The following BRCA1 variants were observed in gnomAD, a reference collection of about 807,000 sequenced individuals.
BRCA1 encodes the protein breast cancer type 1 susceptibility protein.
A neutral mutation model predicts 173.7 loss-of-function variants in BRCA1; 140 were observed. The observed-to-expected ratio is 0.81, with a 90% CI of 0.70 to 0.93. The LOEUF (loss-of-function observed/expected upper bound fraction) is 0.93. BRCA1 is among the 40% of genes least tolerant of loss of function. BRCA1 has a pLI of 0.00. For missense variants in BRCA1, 1,983 were observed against 2,172.5 expected (o/e 0.91, Z 1.73); for synonymous variants, 662 against 756.0 (o/e 0.88, Z 2.04).
intron 3 of BRCA1, among the ~76,000 whole-genome samples, chr17:43,107,322 C>T (rs1217052435): frequency 2.0e-5 from 3 of 151,806 alleles, no homozygotes; most frequent in African/African-American, 7.3e-5. Flanking sequence ...CTCTGCCTCC[C>T]AAAGTGCTGG....
intron 1 of BRCA1, chr17:43,145,006 C>G (rs2056109414): frequency 8.8e-6 from 6 of 680,442 alleles, no homozygotes; most frequent in South Asian, 2.8e-5. Context: ...TGGAAGAGCC[C>G]AAGAGGAGAT....
intron 22 of BRCA1, among the ~76,000 whole-genome samples, chr17:43,046,900 C>A (rs1402554699): frequency 6.6e-6 from 1 of 152,048 alleles, no homozygotes; most frequent in Non-Finnish European, 1.5e-5. Flanking sequence ...GGAAAGCCAC[C>A]AGGAAAACAG....
At chr17:43,140,885 C>T (rs960229053) in intron 1 of BRCA1, among the ~76,000 whole-genome samples, 4 of 152,228 alleles carry the variant, frequency 2.6e-5, no homozygotes, top group African/African-American at 9.6e-5. Flanking sequence ...CTGTCTGCAT[C>T]ATGTTTGCCC....
At chr17:43,153,483 T>C (rs1400808802) in intron 1 of BRCA1, 1 of 152,170 alleles carries the variant, frequency 6.6e-6, no homozygotes, top group African/African-American at 2.4e-5. Flanking sequence ...AATGATGTAA[T>C]ATATGTCTCA....
rs786203310 is a variant in BRCA1, at chr17:43,091,887, T to C, written c.3644A>G (p.Asn1215Ser). The change falls in exon 10 of 23, where the codon AAC (asparagine) becomes AGC (serine). Residue 1215 changes from asparagine (N) to serine (S), a missense_variant. Coordinates refer to ENST00000357654, the MANE Select transcript of BRCA1 (RefSeq NM_007294.4). ...GAKKLESSEE[N>S]LSSEDEELPC... ...AAGCTCTTCATCCTCACTAGATAAGTTCTCTTCTGAGGACTCTAATTTCTT... is the reference window on the plus strand; with the variant it reads ...AAGCTCTTCATCCTCACTAGATAAGCTCTCTTCTGAGGACTCTAATTTCTT... The C allele has an allele frequency of 1.2e-6, 2 of 1,614,152 alleles. No individual in the cohort carries two copies. Among genetic ancestry groups the C allele is most frequent in the South Asian group, 1.1e-5 (1 of 91,080 alleles).
At chr17:43,102,713 A>G (rs151190044) in intron 6 of BRCA1, among the ~76,000 whole-genome samples, 167 of 150,688 alleles carry the variant, frequency 1.1e-3, no homozygotes, top group Middle Eastern at 0.01. Context: ...AGTGCAGTGG[A>G]GTGATCATAG....
intron 6 of BRCA1, among the ~76,000 whole-genome samples, chr17:43,102,546 C>T (rs1030394997): frequency 2.7e-5 from 4 of 150,822 alleles, no homozygotes; most frequent in African/African-American, 9.7e-5. Flanking sequence ...TAGTAGAGAC[C>T]GGGTTTCACC....
At chr17:43,083,704 G>A (rs2053117632) in intron 11 of BRCA1, among the ~76,000 whole-genome samples, 2 of 152,062 alleles carry the variant, frequency 1.3e-5, no homozygotes, top group South Asian at 4.1e-4. Context: ...AAGCCTGTAA[G>A]GATAGTTACT....
At position 43,093,577 on chromosome 17, in the gene BRCA1, T is replaced by C. The variant is rs1567797589; in HGVS notation, c.1954A>G (p.Lys652Glu). Residue 652 changes from lysine to glutamate, a missense_variant, in exon 10 of 23, where the codon AAA becomes GAA. Lys to Glu is a moderately conservative substitution (Grantham distance 56). Coordinates refer to ENST00000357654, the MANE Select transcript of BRCA1 (RefSeq NM_007294.4). Reference protein sequence around the residue: ...DSCSSSEEIKKKKYNQMPVRH... With the variant: ...DSCSSSEEIKEKKYNQMPVRH... ...ACTGGCATTTGGTTGTACTTTTTTTTCTTTATCTCTTCACTGCTAGAACAA... is the reference window on the plus strand; with the variant it reads ...ACTGGCATTTGGTTGTACTTTTTTTCCTTTATCTCTTCACTGCTAGAACAA... The C allele has an allele frequency of 6.2e-7, 1 of 1,614,078 alleles. No individual in the cohort carries two copies. The highest frequency in any genetic ancestry group is 8.5e-7 in the Non-Finnish European group (1 of 1,179,992).
At chr17:43,109,698 G>T (rs2054952466) in intron 3 of BRCA1, among the ~76,000 whole-genome samples, 2 of 151,948 alleles carry the variant, frequency 1.3e-5, no homozygotes, top group Non-Finnish European at 2.9e-5. Flanking sequence ...GGATCAAGAA[G>T]GCATCAAGCA....
chr17:43,076,550 A>G lies in BRCA1; in HGVS notation c.4422T>C (p.Ala1474=), dbSNP rs756281673. The G allele has an allele frequency of 7.4e-6, 12 of 1,613,494 alleles. No homozygotes were observed. In the East Asian group the frequency reaches 2.5e-4, roughly 33 times the overall value. Residue 1474 remains alanine (A), a synonymous_variant, in exon 13 of 23, where the codon GCT becomes GCC. Coordinates refer to ENST00000357654, the MANE Select transcript of BRCA1 (RefSeq NM_007294.4). ...PISQNPEGLS[A]DKFEVSADSS... ...TATCTGCAGACACCTCAAACTTGTC[A>G]GCAGAAAGGCCTTCTGGATTCTGGC...
chr17:43,066,618 C>T (rs2153665554), intron 16 of BRCA1, among the ~76,000 whole-genome samples: 1 of 151,664 alleles, frequency 6.6e-6, no homozygotes, highest in South Asian at 2.1e-4. Flanking sequence ...ACCATATTGG[C>T]CAGGCTGGTC....
intron 18 of BRCA1, among the ~76,000 whole-genome samples, chr17:43,063,045 C>T (rs1341919835): frequency 6.6e-6 from 1 of 152,086 alleles, no homozygotes; most frequent in African/African-American, 2.4e-5. Flanking sequence ...CAAGTGCCAC[C>T]AAGCCCGGCT....
chr17:43,151,013 G>A (rs988860675), intron 1 of BRCA1, among the ~76,000 whole-genome samples: 1 of 152,154 alleles, frequency 6.6e-6, no homozygotes, highest in African/African-American at 2.4e-5. Context: ...GACAGTTTAT[G>A]AATAGTTGGG....
intron 16 of BRCA1, among the ~76,000 whole-genome samples, chr17:43,065,962 C>T (rs750368091): frequency 6.6e-6 from 1 of 152,092 alleles, no homozygotes; most frequent in African/African-American, 2.4e-5. Flanking sequence ...GTATCTTTAC[C>T]ATCTACCTCT....
chr17:43,073,748 G>GTATATA (rs375723816), intron 14 of BRCA1, among the ~76,000 whole-genome samples: 2 of 148,726 alleles, frequency 1.3e-5, no homozygotes. Flanking sequence ...ATATATGTGT[G>GTATATA]TATATATATA....
chr17:43,046,586 G>C (rs1307373508), intron 22 of BRCA1, among the ~76,000 whole-genome samples: 2 of 151,626 alleles, frequency 1.3e-5, no homozygotes, highest in Admixed American at 6.6e-5. Flanking sequence ...ATTTTTAGTA[G>C]AGATGGGGTT....
At chr17:43,082,762 CA>C (rs1366386297) in intron 11 of BRCA1, 187 bp from the exon 12 acceptor site, 1 of 661,234 alleles carries the variant, frequency 1.5e-6, no homozygotes, top group Middle Eastern at 4.1e-4. Flanking sequence ...AAATTATTTC[CA>C]AATGATGTTA....
chr17:43,101,794 G>A (rs2054488530), intron 6 of BRCA1, among the ~76,000 whole-genome samples: 1 of 151,976 alleles, frequency 6.6e-6, no homozygotes, highest in Non-Finnish European at 1.5e-5. Flanking sequence ...AAGCTACTAC[G>A]CCCAGCCCCA....
Sources: gnomAD v4.1 joint callset for allele counts (sites outside exome capture counted in the v4.1 genomes callset) on GRCh38, gnomAD v4.1.1 for gene constraint, MANE v1.5 for transcripts, NCBI Gene and HGNC (gene_info 2026-07-23, HGNC 2026-07-21) for gene names.